The following DAB1 variants were observed in gnomAD, a reference collection of about 807,000 sequenced individuals.
DAB1 encodes disabled homolog 1.
DAB1 carries 15 observed loss-of-function variants against 64.6 expected under a neutral mutation model. That is an observed-to-expected ratio of 0.23 (90% confidence interval 0.16 to 0.36). DAB1 has a LOEUF of 0.36. DAB1 is among the 10% of genes least tolerant of loss of function. The pLI, the probability that DAB1 is intolerant of heterozygous loss-of-function variation, is 1.00. For missense variants in DAB1, 596 were observed against 706.7 expected, an observed-to-expected ratio of 0.84 and a Z score of 1.78; for synonymous variants, 235 against 251.9, an observed-to-expected ratio of 0.93 and a Z score of 0.64.
At chr1:57,105,846 G>A (rs900323925) in intron 4 of DAB1, among the ~76,000 whole-genome samples, 1 of 151,898 alleles carries the variant, frequency 6.6e-6, no homozygotes, top group Non-Finnish European at 1.5e-5. Flanking sequence ...TCCTTTTAGG[G>A]CATACATGGG....
chr1:57,695,000 T>C (rs1646806868), intron 6 of DAB1, among the ~76,000 whole-genome samples: 1 of 152,052 alleles, frequency 6.6e-6, no homozygotes, highest in South Asian at 2.1e-4. Context: ...ATTTCCATTA[T>C]CTCCTAAATT....
chr1:57,019,181 C>T (rs752204447), intron 11 of DAB1, among the ~76,000 whole-genome samples: 86 of 152,198 alleles, frequency 5.7e-4, no homozygotes, highest in Non-Finnish European at 1.8e-4. Flanking sequence ...CTCTCTCTTT[C>T]CACCCTGCCT....
At chr1:57,416,356 A>G (rs1455957574) in intron 1 of DAB1, among the ~76,000 whole-genome samples, 1 of 152,222 alleles carries the variant, frequency 6.6e-6, no homozygotes, top group Admixed American at 6.5e-5. Flanking sequence ...GGGGACCCCA[A>G]GGAATGGAAC....
chr1:58,420,878 G>A (rs954484356), intron 3 of DAB1, among the ~76,000 whole-genome samples: 1 of 152,130 alleles, frequency 6.6e-6, no homozygotes, highest in African/African-American at 2.4e-5. Context: ...CTCCTCTGCA[G>A]TGATTTGGAA....
chr1:58,183,645 ACGT>A (rs1656914863), intron 4 of DAB1, among the ~76,000 whole-genome samples: 1 of 147,758 alleles, frequency 6.8e-6, no homozygotes. Context: ...GCTTCTTTGC[ACGT>A]CTTGTTTGTT....
At chr1:58,080,191 A>T (rs1649911325) in intron 5 of DAB1, 2 of 152,168 alleles carry the variant, frequency 1.3e-5, no homozygotes, top group African/African-American at 4.8e-5. Context: ...ATCAGTAGAG[A>T]CCCCAAATTC....
At chr1:57,850,296 C>T (rs2101926432) in intron 1 of DAB1, among the ~76,000 whole-genome samples, 1 of 151,896 alleles carries the variant, frequency 6.6e-6, no homozygotes, top group Non-Finnish European at 1.5e-5. Context: ...ACCAAAGTGG[C>T]TTAGTGCCTT....
chr1:57,153,329 T>C (rs1452788006), intron 2 of DAB1, among the ~76,000 whole-genome samples: 1 of 152,090 alleles, frequency 6.6e-6, no homozygotes, highest in Non-Finnish European at 1.5e-5. Flanking sequence ...CCCAGCCCCA[T>C]ATAGTATTAT....
chr1:58,063,338 C>A (rs1441797054), intron 5 of DAB1, among the ~76,000 whole-genome samples: 1 of 152,084 alleles, frequency 6.6e-6, no homozygotes, highest in Non-Finnish European at 1.5e-5. Flanking sequence ...ACAACAGCTG[C>A]AAATTAGCCT....
chr1:58,118,527 T>A, intron 5 of DAB1, among the ~76,000 whole-genome samples: 1 of 119,302 alleles, frequency 8.4e-6, no homozygotes, highest in African/African-American at 3.5e-5. Context: ...CACACATATA[T>A]ATATATAAAA....
At chr1:57,886,227 C>T (rs1027672091), upstream of DAB1, among the ~76,000 whole-genome samples, 6 of 149,348 alleles carry the variant, frequency 4.0e-5, no homozygotes, top group African/African-American at 1.2e-4. Flanking sequence ...GGCATAATCT[C>T]GGCTCACTGC....
chr1:58,227,857 A>G (rs1463154327), intron 4 of DAB1, among the ~76,000 whole-genome samples: 1 of 152,114 alleles, frequency 6.6e-6, no homozygotes, highest in African/African-American at 2.4e-5. Flanking sequence ...CTGACAAAAC[A>G]GTTTCTGAGA....
intron 3 of DAB1, among the ~76,000 whole-genome samples, chr1:58,372,592 C>G (rs1644275156): frequency 6.6e-6 from 1 of 152,122 alleles, no homozygotes; most frequent in Non-Finnish European, 1.5e-5. Context: ...TGGAAGAAGC[C>G]AGGAGAAGAA....
At chr1:57,106,621 C>T (rs1486923442) in intron 4 of DAB1, among the ~76,000 whole-genome samples, 5 of 152,102 alleles carry the variant, frequency 3.3e-5, no homozygotes, top group African/African-American at 1.2e-4. Context: ...TATCACAAGG[C>T]CTTCAAAGAT....
At chr1:57,126,616 G>A (rs1458881478) in intron 4 of DAB1, among the ~76,000 whole-genome samples, 2 of 152,188 alleles carry the variant, frequency 1.3e-5, no homozygotes, top group Non-Finnish European at 2.9e-5. Flanking sequence ...CGTATGTCAA[G>A]CTCTTACAGC....
chr1:57,101,939 A>G (rs1019655343), intron 4 of DAB1, among the ~76,000 whole-genome samples: 6 of 152,204 alleles, frequency 3.9e-5, no homozygotes, highest in Admixed American at 6.5e-5. Flanking sequence ...ACCTAAAGCC[A>G]TTGAGCTAGT....
intron 1 of DAB1, among the ~76,000 whole-genome samples, chr1:57,344,881 G>A (rs1054990504): frequency 2.0e-5 from 3 of 152,076 alleles, no homozygotes; most frequent in African/African-American, 7.2e-5. Context: ...TTAAGCTTTG[G>A]GAGGATTTCA....
intron 4 of DAB1, among the ~76,000 whole-genome samples, chr1:58,225,971 A>C (rs1659455531): frequency 1.3e-5 from 2 of 151,888 alleles, no homozygotes; most frequent in African/African-American, 2.4e-5. Context: ...AAAAAAAAAA[A>C]AAAAAACCTG....
At chr1:58,032,367 T>C (rs1369829109) in intron 5 of DAB1, among the ~76,000 whole-genome samples, 2 of 152,166 alleles carry the variant, frequency 1.3e-5, no homozygotes, top group African/African-American at 4.8e-5. Context: ...GTTCTGTAAA[T>C]TGAGATAATA....
Sources: allele counts gnomAD v4.1 joint callset (sites outside exome capture counted in the v4.1 genomes callset), GRCh38; gene constraint gnomAD v4.1.1; transcripts MANE v1.5; gene names NCBI Gene and HGNC (gene_info 2026-07-23, HGNC 2026-07-21).